The following NRXN1 variants were observed in gnomAD, a reference collection of about 807,000 sequenced individuals.
NRXN1 encodes the protein neurexin-1.
A neutral mutation model predicts 150.9 loss-of-function variants in NRXN1; 39 were observed. The ratio of observed to expected loss-of-function variants is 0.26; its 90% CI spans 0.20 to 0.34. The LOEUF (loss-of-function observed/expected upper bound fraction) is 0.34. Among genes scored for constraint, NRXN1 ranks in the 10% least tolerant of loss-of-function variants. The probability of loss-of-function intolerance (pLI) is 1.00; values close to 1 mark genes in which losing one functional copy is unlikely to be tolerated. For synonymous variants in NRXN1, 924 were observed against 757.0 expected (o/e 1.22, Z -3.62); for missense variants, 1,815 against 1,949.9 (o/e 0.93, Z 1.30).
chr2:50,310,772 A>G (rs1245646260), intron 17 of NRXN1, among the ~76,000 whole-genome samples: 1 of 152,144 alleles, frequency 6.6e-6, no homozygotes, highest in Non-Finnish European at 1.5e-5. Flanking sequence ...TGTTTATATC[A>G]TATATATACT....
At chr2:50,390,713 G>A (rs550148494) in intron 17 of NRXN1, among the ~76,000 whole-genome samples, 1 of 151,886 alleles carries the variant, frequency 6.6e-6, no homozygotes, top group African/African-American at 2.4e-5. Context: ...AGAAAGTTTG[G>A]CCCCCTCTTG....
At chr2:50,535,276 C>A (rs971586196) in intron 10 of NRXN1, among the ~76,000 whole-genome samples, 14 of 152,196 alleles carry the variant, frequency 9.2e-5, no homozygotes, top group African/African-American at 3.1e-4. Flanking sequence ...AATTCCAATA[C>A]AATACTTCCC....
intron 2 of NRXN1, among the ~76,000 whole-genome samples, chr2:50,977,003 C>T (rs1695948395): frequency 6.6e-6 from 1 of 151,900 alleles, no homozygotes; most frequent in African/African-American, 2.4e-5. Context: ...GAAGGCATAG[C>T]TTAATGTTCT....
chr2:50,843,331 C>T (rs751915163), intron 5 of NRXN1, among the ~76,000 whole-genome samples: 1 of 152,004 alleles, frequency 6.6e-6, no homozygotes, highest in Non-Finnish European at 1.5e-5. Flanking sequence ...ACAGAAGGTA[C>T]AATATTTTTC....
chr2:50,617,780 A>G (rs930948413), intron 8 of NRXN1, among the ~76,000 whole-genome samples: 1 of 150,458 alleles, frequency 6.6e-6, no homozygotes, highest in African/African-American at 2.5e-5. Context: ...AGGCCAATAT[A>G]AAAAAAAATG....
chr2:50,356,161 G>C (rs576490581), intron 17 of NRXN1, among the ~76,000 whole-genome samples: 1 of 151,922 alleles, frequency 6.6e-6, no homozygotes, highest in Admixed American at 6.6e-5. Context: ...CTTAACTGTA[G>C]GGTTTTATAA....
chr2:49,953,024 GAGCC>G (rs1440886112), intron 21 of NRXN1, among the ~76,000 whole-genome samples: 1 of 152,074 alleles, frequency 6.6e-6, no homozygotes. Context: ...GATGTAGAAG[GAGCC>G]ACATTTACCT....
intron 17 of NRXN1, among the ~76,000 whole-genome samples, chr2:50,451,686 C>T (rs1197753493): frequency 2.0e-5 from 3 of 152,148 alleles, no homozygotes; most frequent in Non-Finnish European, 4.4e-5. Flanking sequence ...TTATTCAATA[C>T]TGAGATATTT....
chr2:50,014,100 TTTTTTG>T (rs1048559601), intron 21 of NRXN1, among the ~76,000 whole-genome samples: 3 of 151,654 alleles, frequency 2.0e-5, no homozygotes, highest in Admixed American at 6.6e-5. Context: ...AGCTTGTTTT[TTTTTTG>T]TTTTTGTTTT....
chr2:50,220,103 G>C (rs2063772182), intron 18 of NRXN1, among the ~76,000 whole-genome samples: 1 of 146,472 alleles, frequency 6.8e-6, no homozygotes, highest in Admixed American at 7.0e-5. Flanking sequence ...CAGACTTAGA[G>C]AGAAATATGA....
chr2:50,287,583 C>G (rs890488608), intron 17 of NRXN1, among the ~76,000 whole-genome samples: 1 of 152,078 alleles, frequency 6.6e-6, no homozygotes, highest in Non-Finnish European at 1.5e-5. Flanking sequence ...AAAAATAGCA[C>G]GTCTCTCAAG....
intron 21 of NRXN1, chr2:50,023,131 A>G (rs1687809954): frequency 6.6e-6 from 1 of 152,206 alleles, no homozygotes; most frequent in East Asian, 1.9e-4. Context: ...GTCTGACTCC[A>G]TAATATACTG....
intron 2 of NRXN1, among the ~76,000 whole-genome samples, chr2:51,013,367 T>G (rs1164431874): frequency 6.6e-6 from 1 of 151,870 alleles, no homozygotes; most frequent in Non-Finnish European, 1.5e-5. Context: ...AAGTAATTCA[T>G]GGGCCAAGTG....
At chr2:50,828,913 C>G (rs1225771057) in intron 5 of NRXN1, among the ~76,000 whole-genome samples, 1 of 152,208 alleles carries the variant, frequency 6.6e-6, no homozygotes, top group African/African-American at 2.4e-5. Flanking sequence ...GCCAAGATCA[C>G]GCCACTGCAC....
rs796342374 is a variant in NRXN1 at position 50,774,235 on chromosome 2, C to T, written c.832+147634G>A. Among the ~76,000 whole-genome samples, 8 of 152,134 alleles carry T rather than the reference C, an allele frequency of 5.3e-5. 1 individual carries two copies. The highest frequency in any genetic ancestry group is 1.9e-4 in the African/African-American group (8 of 41,512). On this transcript the variant is annotated intron_variant, in intron 5 of 22. Transcript: ENST00000401669. ...CATCACCATATCTAAAGCGACATTC[C>T]TTTTTAAAACAACAACAACAAAAAC...
chr2:50,015,529 A>C (rs1300469964), intron 21 of NRXN1, among the ~76,000 whole-genome samples: 1 of 148,630 alleles, frequency 6.7e-6, no homozygotes, highest in African/African-American at 2.5e-5. Flanking sequence ...AAAAAAAAAA[A>C]AAAAAAAAAA....
At chr2:50,423,586 ATAAT>A (rs1042396278) in intron 17 of NRXN1, among the ~76,000 whole-genome samples, 4 of 152,168 alleles carry the variant, frequency 2.6e-5, no homozygotes, top group African/African-American at 4.8e-5. Flanking sequence ...AATTTTTTTC[ATAAT>A]TAATTAATAA....
chr2:50,433,545 A>G, intron 17 of NRXN1, among the ~76,000 whole-genome samples: 1 of 150,314 alleles, frequency 6.7e-6, no homozygotes, highest in East Asian at 2.0e-4. Flanking sequence ...ATTGATAGGT[A>G]GCTAGCAGGA....
rs560720348 is a variant in NRXN1, at chr2:50,203,659, T to C, written c.3546+33130A>G. Among the ~76,000 whole-genome samples, 100 of 152,238 alleles carry C rather than the reference T, an allele frequency of 6.6e-4. No homozygotes were observed. The Middle Eastern group carries it at 0.01, about 16-fold the overall frequency. ...GTTGTACAAGTCCATATTCTTAGGA[T>C]AAAAAGGTTAACTCTGTGTCTCAGC... On this transcript the variant is annotated intron_variant, in intron 18 of 22. Coordinates refer to ENST00000401669, the MANE Select transcript of NRXN1 (RefSeq NM_001330078.2).
Sources: allele counts gnomAD v4.1 joint callset (sites outside exome capture counted in the v4.1 genomes callset), GRCh38; gene constraint gnomAD v4.1.1; transcripts MANE v1.5; gene names NCBI Gene and HGNC (gene_info 2026-07-23, HGNC 2026-07-21).